Variants in VAV2 observed in about 807,000 individuals in gnomAD.
VAV2 encodes the protein vav guanine nucleotide exchange factor 2, also known as guanine nucleotide exchange factor VAV2.
In VAV2, 67 loss-of-function variants were observed where a neutral mutation model predicts 132.5. The ratio of observed to expected loss-of-function variants is 0.51; its 90% CI spans 0.42 to 0.62. The LOEUF is 0.62. Ranked by LOEUF, VAV2 falls within the 20% of genes least tolerant of loss-of-function variation. The probability of loss-of-function intolerance (pLI) is 0.00; values close to 1 mark genes in which losing one functional copy is unlikely to be tolerated. For synonymous variants in VAV2, 492 were observed against 443.5 expected (o/e 1.11, Z -1.37); for missense variants, 938 against 1,153.6 (o/e 0.81, Z 2.71).
At chr9:133,893,603 C>G (rs138930576) in intron 2 of VAV2, among the ~76,000 whole-genome samples, 2 of 152,206 alleles carry the variant, frequency 1.3e-5, no homozygotes, top group Non-Finnish European at 1.5e-5. Flanking sequence ...CTTCAAGAAA[C>G]GGAGTTTGCA....
At chr9:133,765,923 T>C (rs945028264) in intron 29 of VAV2, among the ~76,000 whole-genome samples, 5 of 152,234 alleles carry the variant, frequency 3.3e-5, no homozygotes, top group African/African-American at 1.2e-4. Flanking sequence ...AATTTTGAAA[T>C]TGTACGTTTG....
chr9:133,822,973 G>A (rs1181142084), intron 4 of VAV2, among the ~76,000 whole-genome samples: 1 of 152,144 alleles, frequency 6.6e-6, no homozygotes, highest in Non-Finnish European at 1.5e-5. Context: ...ATGGGGGCTG[G>A]AGCACCCACC....
chr9:133,953,296 C>T (rs1638937377), intron 1 of VAV2, among the ~76,000 whole-genome samples: 2 of 152,232 alleles, frequency 1.3e-5, no homozygotes, highest in Admixed American at 1.3e-4. Context: ...GTGCCCTTGG[C>T]GCTGTGCCCC....
At chr9:133,815,153 G>A (rs1835509030) in intron 4 of VAV2, among the ~76,000 whole-genome samples, 1 of 151,954 alleles carries the variant, frequency 6.6e-6, no homozygotes, top group Non-Finnish European at 1.5e-5. Flanking sequence ...AGCCCGGGTG[G>A]ACCTAGAAAA....
intron 1 of VAV2, among the ~76,000 whole-genome samples, chr9:133,974,765 A>ATGCCCTG (rs1842451932): frequency 6.5e-5 from 2 of 30,536 alleles, no homozygotes; most frequent in Non-Finnish European, 1.5e-4. Flanking sequence ...CAGATAGGTC[A>ATGCCCTG]CGCCCTGCAC....
chr9:133,888,379 A>G (rs1488160005), intron 2 of VAV2, among the ~76,000 whole-genome samples: 1 of 84,766 alleles, frequency 1.2e-5, no homozygotes, highest in Non-Finnish European at 3.3e-5. Context: ...ATTTTACCAC[A>G]GTCAATAAAA....
At position 133,768,851 on chromosome 9, in the gene VAV2, T is replaced by G. The variant is rs1833523253; in HGVS notation, c.2435-255A>C. 6.6e-6 allele frequency among the ~76,000 whole-genome samples: 1 copy of G among 152,154 alleles called. No individual in the cohort carries two copies. The highest frequency in any genetic ancestry group is 1.5e-5 in the Non-Finnish European group (1 of 68,026). ...GGATGTTCTTAGGGACAAGAGCAGG[T>G]GCCCAGGCTTTGACCATCATCATTC... On this transcript the variant is annotated intron_variant, in intron 28 of 29. Transcript: ENST00000371850. The surrounding 1 kb of genome is among the most constrained non-coding windows in gnomAD (Gnocchi z 5.3).
chr9:133,841,867 C>T (rs1259358117), intron 3 of VAV2, among the ~76,000 whole-genome samples: 5 of 152,170 alleles, frequency 3.3e-5, no homozygotes, highest in African/African-American at 9.7e-5. Flanking sequence ...GTGGGTCTCT[C>T]CCCTTCCGCT....
At position 133,971,788 on chromosome 9, in the gene VAV2, C is replaced by A. The variant is rs117387481; in HGVS notation, c.204+20287G>T. Among the ~76,000 whole-genome samples, 524 of 152,272 alleles carry A rather than the reference C, an allele frequency of 3.4e-3. 1 individual carries two copies. Among genetic ancestry groups the A allele is most frequent in the Non-Finnish European group, 6.0e-3 (408 of 68,018 alleles). On this transcript the variant is annotated intron_variant, in intron 1 of 29. Coordinates refer to ENST00000371850, the MANE Select transcript of VAV2 (RefSeq NM_001134398.2). ...CTGGGGCCACCTGCACCACCCGGGT[C>A]CTGAATCACAATGGGGAGGCGGCCA...
intron 1 of VAV2, among the ~76,000 whole-genome samples, chr9:133,964,027 A>G (rs10993878): frequency 0.24 from 17,306 of 72,898 alleles, 2,123 homozygotes; most frequent in African/African-American, 0.29. Context: ...TCATTCATAT[A>G]TATATATATA....
intron 2 of VAV2, among the ~76,000 whole-genome samples, chr9:133,901,785 C>T (rs942326177): frequency 2.0e-5 from 3 of 152,248 alleles, no homozygotes; most frequent in Non-Finnish European, 4.4e-5. Context: ...CCTGCTGTCC[C>T]TGACTCTGGA....
At chr9:133,854,018 G>A (rs905026007) in intron 3 of VAV2, among the ~76,000 whole-genome samples, 8 of 152,022 alleles carry the variant, frequency 5.3e-5, no homozygotes, top group African/African-American at 9.7e-5. Flanking sequence ...ATACACACAC[G>A]TGTGCACACA....
rs1190717344 is a variant in VAV2 at position 133,925,603 on chromosome 9, A to G, written c.321+13500T>C. 3.3e-5 allele frequency among the ~76,000 whole-genome samples: 5 copies of G among 152,294 alleles called. No homozygotes were observed. In the East Asian group the frequency reaches 7.8e-4, roughly 24 times the overall value. On this transcript the variant is annotated intron_variant, in intron 2 of 29. Coordinates refer to ENST00000371850, the MANE Select transcript of VAV2 (RefSeq NM_001134398.2). ...TCCCCAGGGGCAGAGTGGCCAAGGA[A>G]TCTGCATGTTTCGCCACTGCCCTTG... is the stretch of plus-strand genomic sequence containing the variant.
At chr9:133,842,084 G>A (rs528889990) in intron 3 of VAV2, among the ~76,000 whole-genome samples, 1 of 152,322 alleles carries the variant, frequency 6.6e-6, no homozygotes, top group East Asian at 1.9e-4. Context: ...ATTCTGGAAG[G>A]TACTGACGAT....
At chr9:133,791,746 T>A in intron 13 of VAV2, 37 bp downstream of exon 13, 1 of 1,581,752 alleles carries the variant, frequency 6.3e-7, no homozygotes, top group African/African-American at 1.3e-5. Context: ...TACGTCCTCA[T>A]CGACCTTCCC....
intron 25 of VAV2, among the ~76,000 whole-genome samples, chr9:133,773,196 C>T (rs1409154575): frequency 7.0e-6 from 1 of 142,922 alleles, no homozygotes; most frequent in Admixed American, 6.9e-5. Flanking sequence ...ACACCCCACA[C>T]CTAGGCTGGA....
At chr9:133,899,407 T>A (rs979384268) in intron 2 of VAV2, among the ~76,000 whole-genome samples, 11 of 151,404 alleles carry the variant, frequency 7.3e-5, no homozygotes, top group Non-Finnish European at 1.3e-4. Flanking sequence ...AAATTTAATA[T>A]ATTTTATTTA....
At chr9:133,783,449 G>T in intron 19 of VAV2, 54 bp downstream of exon 19, 1 of 1,558,694 alleles carries the variant, frequency 6.4e-7, no homozygotes, top group Non-Finnish European at 8.8e-7. Context: ...GTAGGGGGCA[G>T]AAGTGAGCAG....
chr9:133,898,829 T>C (rs1343497291), intron 2 of VAV2, among the ~76,000 whole-genome samples: 1 of 144,322 alleles, frequency 6.9e-6, no homozygotes, highest in Non-Finnish European at 1.5e-5. Flanking sequence ...TTTTTTTTTT[T>C]TTTTTTTTTT....
Sources: allele counts gnomAD v4.1 joint callset (sites outside exome capture counted in the v4.1 genomes callset), GRCh38; gene constraint gnomAD v4.1.1; non-coding constraint Gnocchi (gnomAD v3.1); transcripts MANE v1.5; gene names NCBI Gene and HGNC (gene_info 2026-07-23, HGNC 2026-07-21).